Variants in TRPM8 observed in about 807,000 individuals in gnomAD.
TRPM8 encodes the protein transient receptor potential cation channel subfamily M member 8, also known as TRPM8 cationic channel.
A neutral mutation model predicts 133.7 loss-of-function variants in TRPM8; 110 were observed. The ratio of observed to expected loss-of-function variants is 0.82; its 90% confidence interval spans 0.70 to 0.96. The LOEUF (loss-of-function observed/expected upper bound fraction) is 0.96. TRPM8 is among the 40% of genes least tolerant of loss of function. The pLI, the probability that TRPM8 is intolerant of heterozygous loss-of-function variation, is 0.00. For synonymous variants in TRPM8, 535 were observed against 532.3 expected, an observed-to-expected ratio of 1.01 and a Z score of -0.07; for missense variants, 1,291 against 1,379.5, an observed-to-expected ratio of 0.94 and a Z score of 1.02.
At chr2:233,928,258 T>G (rs1400470061) in intron 2 of TRPM8, among the ~76,000 whole-genome samples, 1 of 152,062 alleles carries the variant, frequency 6.6e-6, no homozygotes, top group Non-Finnish European at 1.5e-5. Flanking sequence ...CGTGACCCAC[T>G]GCGCCTGGCC....
At chr2:233,932,289 G>A (rs1349983761) in intron 3 of TRPM8, among the ~76,000 whole-genome samples, 2 of 152,162 alleles carry the variant, frequency 1.3e-5, no homozygotes, top group Non-Finnish European at 2.9e-5. Flanking sequence ...AGGCAAAATG[G>A]TCATTGTTGG....
At chr2:233,987,112 T>C (rs1423626624) in intron 21 of TRPM8, among the ~76,000 whole-genome samples, 1 of 152,150 alleles carries the variant, frequency 6.6e-6, no homozygotes, top group Non-Finnish European at 1.5e-5. Flanking sequence ...ATCCTAAAGG[T>C]GTATGTACAA....
At chr2:233,923,391 T>C (rs550090113) in intron 1 of TRPM8, among the ~76,000 whole-genome samples, 1 of 152,302 alleles carries the variant, frequency 6.6e-6, no homozygotes, top group African/African-American at 2.4e-5. Context: ...TCTCCAGTGT[T>C]CTCCATGGCT....
chr2:233,970,313 T>C lies in TRPM8; in HGVS notation c.2242T>C (p.Phe748Leu). The C allele has an allele frequency of 6.2e-7, 1 of 1,614,202 alleles. No individual in the cohort carries two copies. Among genetic ancestry groups the C allele is most frequent in the South Asian group, 1.1e-5 (1 of 91,082 alleles). ...CTGGAATGTGGTCTTCTACATCGCCTTCCTCCTGCTGTTTGCCTACGTGCT... is the reference window on the plus strand; with the variant it reads ...CTGGAATGTGGTCTTCTACATCGCCCTCCTCCTGCTGTTTGCCTACGTGCT... ...FSWNVVFYIAFLLLFAYVLLM... is the reference protein window; with the variant it reads ...FSWNVVFYIALLLLFAYVLLM... The change falls in exon 17 of 26, where the codon TTC (phenylalanine) becomes CTC (leucine). Residue 748 changes from phenylalanine (F) to leucine (L), a missense_variant. This residue lies in a region of TRPM8 where 963 missense variants were observed against 968.9 expected (regional missense o/e 0.99). Coordinates refer to ENST00000324695, the MANE Select transcript of TRPM8 (RefSeq NM_024080.5).
chr2:233,984,954 T>C (rs966779755), intron 20 of TRPM8, among the ~76,000 whole-genome samples: 1 of 152,000 alleles, frequency 6.6e-6, no homozygotes, highest in African/African-American at 2.4e-5. Flanking sequence ...CATGGTGGCA[T>C]GCGCCTATAG....
chr2:233,997,949 C>T (rs1692452058), intron 22 of TRPM8, among the ~76,000 whole-genome samples: 1 of 152,176 alleles, frequency 6.6e-6, no homozygotes, highest in Non-Finnish European at 1.5e-5. Flanking sequence ...CCACATCAGG[C>T]TTGAGTTTCT....
At chr2:234,007,214 T>A (rs1248167438) in intron 23 of TRPM8, among the ~76,000 whole-genome samples, 1 of 152,162 alleles carries the variant, frequency 6.6e-6, no homozygotes. Context: ...GAGCCTGCAG[T>A]GCAGGGCCAT....
At chr2:233,920,224 A>G (rs1412591140) in intron 1 of TRPM8, among the ~76,000 whole-genome samples, 2 of 152,176 alleles carry the variant, frequency 1.3e-5, no homozygotes, top group Non-Finnish European at 2.9e-5. Flanking sequence ...CCTGATAGGT[A>G]TGGTAGGTCT....
At chr2:233,983,343 C>T in intron 20 of TRPM8, 119 bp downstream of exon 20, 1 of 1,142,134 alleles carries the variant, frequency 8.8e-7, no homozygotes, top group Non-Finnish European at 1.3e-6. Flanking sequence ...CGGAGTCCAA[C>T]ATAACAGAGT....
chr2:234,014,075 T>C (rs1487537125), intron 24 of TRPM8, among the ~76,000 whole-genome samples: 1 of 152,190 alleles, frequency 6.6e-6, no homozygotes, highest in South Asian at 2.1e-4. Context: ...AATTTCATTA[T>C]GCCTCTTACT....
intron 3 of TRPM8, among the ~76,000 whole-genome samples, chr2:233,936,876 T>C (rs1190282736): frequency 6.7e-6 from 1 of 150,228 alleles, no homozygotes; most frequent in African/African-American, 2.5e-5. Context: ...TCAAACTAGT[T>C]TCTTTCTTTC....
chr2:233,997,269 G>A (rs938897061), intron 22 of TRPM8, among the ~76,000 whole-genome samples: 3 of 151,954 alleles, frequency 2.0e-5, no homozygotes, highest in African/African-American at 7.2e-5. Flanking sequence ...GTGAGACTCC[G>A]TCTCAAAAAA....
chr2:233,994,593 C>T (rs1194825561), intron 21 of TRPM8, among the ~76,000 whole-genome samples: 1 of 151,806 alleles, frequency 6.6e-6, no homozygotes, highest in Non-Finnish European at 1.5e-5. Flanking sequence ...CAGAGGTGTT[C>T]CATTCGTCAT....
chr2:233,981,792 A>G lies in TRPM8; in HGVS notation c.2466A>G (p.Lys822=), dbSNP rs1332354891. 2 of 1,611,304 alleles carry G rather than the reference A, an allele frequency of 1.2e-6. No homozygotes were observed. The highest frequency in any genetic ancestry group is 1.7e-6 in the Non-Finnish European group (2 of 1,179,190). ...GIVFRLHSSN[K]SSLYSGRVIF... is the part of the protein sequence containing the mutation. ...CCCCTAGGCTCCACTCTTCTAATAA[A>G]AGCTCTTTGTATTCTGGACGAGTCA... The change falls in exon 19 of 26, where the codon AAA becomes AAG. Residue 822 remains lysine (K), a synonymous_variant. Transcript: ENST00000324695.
In TRPM8 at chr2:233,939,193, G is replaced by C. The variant is rs1489139541; in HGVS notation, c.526+18G>C. 1 of 1,611,296 alleles carries C rather than the reference G, an allele frequency of 6.2e-7. No individual in the cohort carries two copies. Among genetic ancestry groups the C allele is most frequent in the South Asian group, 1.1e-5 (1 of 90,870 alleles). On this transcript the variant is annotated intron_variant, in intron 5 of 25. Coordinates refer to ENST00000324695, the MANE Select transcript of TRPM8 (RefSeq NM_024080.5). Reference sequence around the variant, plus strand: ...GTCCAAAGGTGAGGGTGGGAGCAGCGACCGCGGGTTCTTCCATTCGGGCTG... The same window carrying C: ...GTCCAAAGGTGAGGGTGGGAGCAGCCACCGCGGGTTCTTCCATTCGGGCTG...
intron 21 of TRPM8, among the ~76,000 whole-genome samples, chr2:233,991,500 T>C (rs1326993111): frequency 6.6e-6 from 1 of 152,204 alleles, no homozygotes; most frequent in Non-Finnish European, 1.5e-5. Flanking sequence ...ACTGGCTAGA[T>C]ACTGCCTGTG....
At chr2:233,959,607 G>C (rs1230590878) in intron 11 of TRPM8, among the ~76,000 whole-genome samples, 1 of 151,934 alleles carries the variant, frequency 6.6e-6, no homozygotes, top group Non-Finnish European at 1.5e-5. Flanking sequence ...CACTGTGCCT[G>C]GCAGCTTTTA....
At chr2:233,933,179 G>A (rs1691714660) in intron 3 of TRPM8, among the ~76,000 whole-genome samples, 1 of 151,994 alleles carries the variant, frequency 6.6e-6, no homozygotes, top group Admixed American at 6.6e-5. Context: ...GTTCCAGGTA[G>A]AAACAGAAAG....
At chr2:233,966,585 T>G in intron 14 of TRPM8, 25 bp from the exon 15 acceptor site, 1 of 1,613,690 alleles carries the variant, frequency 6.2e-7, no homozygotes, top group Non-Finnish European at 8.5e-7. Flanking sequence ...TACACCAGCT[T>G]CTCTCTGTGC....
Sources: allele counts gnomAD v4.1 joint callset (sites outside exome capture counted in the v4.1 genomes callset), GRCh38; gene constraint gnomAD v4.1.1; regional missense constraint gnomAD v4.1.1; transcripts MANE v1.5; gene names NCBI Gene and HGNC (gene_info 2026-07-23, HGNC 2026-07-21).